Variants in PPP1R42 observed in about 807,000 individuals in gnomAD.
PPP1R42 encodes the protein leucine rich repeat containing 67.
A neutral mutation model predicts 31.0 loss-of-function variants in PPP1R42; 34 were observed. That is an observed-to-expected ratio of 1.10 (90% CI 0.83 to 1.46). The LOEUF (loss-of-function observed/expected upper bound fraction) is 1.46, where lower values mean the gene tolerates loss of function less well. Ranked by LOEUF, PPP1R42 falls within the 40% of genes most tolerant of loss-of-function variation. The pLI, the probability that PPP1R42 is intolerant of heterozygous loss-of-function variation, is 0.00. For missense variants in PPP1R42, 268 were observed against 303.0 expected (o/e 0.88, Z 0.86); for synonymous variants, 103 against 109.8 (o/e 0.94, Z 0.39).
intron 5 of PPP1R42, among the ~76,000 whole-genome samples, chr8:66,999,901 T>C (rs1815434609): frequency 6.6e-6 from 1 of 152,220 alleles, no homozygotes; most frequent in Non-Finnish European, 1.5e-5. Context: ...CATAAAGTTC[T>C]TTACAACATT....
chr8:66,968,844 C>T (rs1814458422), intron 7 of PPP1R42, among the ~76,000 whole-genome samples: 1 of 151,952 alleles, frequency 6.6e-6, no homozygotes, highest in Admixed American at 6.6e-5. Context: ...GAAAGTATTG[C>T]CTGAGGAAAT....
rs1172519262 is a variant in PPP1R42, at chr8:67,010,461, G to C, written c.552+254C>G. ...TTTGATGGGAAAATAATGCAAAGAAGAGATACTTCCCTTCTCAGAGAAACT... is the reference window on the plus strand; with the variant it reads ...TTTGATGGGAAAATAATGCAAAGAACAGATACTTCCCTTCTCAGAGAAACT... On this transcript the variant is annotated intron_variant, in intron 5 of 7. Transcript: ENST00000685739. Among the ~76,000 whole-genome samples the C allele has an allele frequency of 2.0e-5, 3 of 152,266 alleles. No homozygotes were observed. The East Asian group carries it at 5.8e-4, about 29-fold the overall frequency.
intron 7 of PPP1R42, among the ~76,000 whole-genome samples, chr8:66,965,689 G>A (rs1396012279): frequency 6.6e-6 from 1 of 152,152 alleles, no homozygotes; most frequent in African/African-American, 2.4e-5. Flanking sequence ...GGGAGGCTGA[G>A]GCAGGAGGAT....
chr8:67,000,796 A>G (rs913066873), intron 5 of PPP1R42, among the ~76,000 whole-genome samples: 17 of 152,222 alleles, frequency 1.1e-4, no homozygotes, highest in Non-Finnish European at 2.5e-4. Context: ...AGAATGTTCT[A>G]TAAGAGTAAA....
intron 1 of PPP1R42, among the ~76,000 whole-genome samples, chr8:67,018,996 ATT>A (rs1418336836): frequency 7.0e-6 from 1 of 142,192 alleles, no homozygotes; most frequent in Non-Finnish European, 1.5e-5. Flanking sequence ...TGCCCGGCTA[ATT>A]TTTTTTTTTT....
intron 1 of PPP1R42, among the ~76,000 whole-genome samples, chr8:67,025,582 T>C (rs1816369820): frequency 6.6e-6 from 1 of 151,826 alleles, no homozygotes; most frequent in Non-Finnish European, 1.5e-5. Context: ...AGAATTAAAT[T>C]GACATACAGC....
chr8:66,999,484 G>C (rs1445291435), intron 5 of PPP1R42, among the ~76,000 whole-genome samples: 6 of 152,186 alleles, frequency 3.9e-5, no homozygotes, highest in Admixed American at 6.5e-5. Context: ...GCCTCCCAAA[G>C]TGTTGGGATT....
chr8:66,980,899 A>T (rs182609196), intron 7 of PPP1R42, among the ~76,000 whole-genome samples: 1 of 151,704 alleles, frequency 6.6e-6, no homozygotes, highest in Non-Finnish European at 1.5e-5. Flanking sequence ...CTGGAGTGCA[A>T]TGGCGCAATC....
chr8:66,997,753 T>C lies in PPP1R42; in HGVS notation c.553-9236A>G, dbSNP rs187659950. 7.8e-4 allele frequency among the ~76,000 whole-genome samples: 118 copies of C among 152,032 alleles called. 1 individual carries two copies. The highest frequency in any genetic ancestry group is 2.7e-3 in the African/African-American group (111 of 41,488). ...ACCTTTTAGAGGAGGGGTCTTGCTA[T>C]ATTGCCCAGGCTGGTCTCAAACTCC... is the stretch of plus-strand genomic sequence containing the variant. On this transcript the variant is annotated intron_variant, in intron 5 of 7. Transcript: ENST00000685739.
intron 7 of PPP1R42, among the ~76,000 whole-genome samples, chr8:66,972,448 G>A (rs2130913689): frequency 6.6e-6 from 1 of 152,138 alleles, no homozygotes; most frequent in East Asian, 1.9e-4. Context: ...GGAATGCAGT[G>A]GCACAATCTC....
At chr8:66,987,817 G>A (rs1466078287) in intron 6 of PPP1R42, among the ~76,000 whole-genome samples, 1 of 152,106 alleles carries the variant, frequency 6.6e-6, no homozygotes, top group East Asian at 1.9e-4. Flanking sequence ...CATAGCCTTC[G>A]TGAGAGGTCA....
chr8:67,020,822 G>A (rs1364447726), intron 1 of PPP1R42, among the ~76,000 whole-genome samples: 1 of 152,186 alleles, frequency 6.6e-6, no homozygotes, highest in African/African-American at 2.4e-5. Flanking sequence ...GCGGTGGTGC[G>A]TGTTTGTAGT....
rs1816069844 is a variant in PPP1R42 at position 67,018,065 on chromosome 8, T to A, written c.-84-234A>T. Reference sequence around the variant, plus strand: ...TTACTCATTCACTTTTACTTTTAAATCTTTTTTTCTTCCTGAGTAGTATTT... The same window carrying A: ...TTACTCATTCACTTTTACTTTTAAAACTTTTTTTCTTCCTGAGTAGTATTT... On this transcript the variant is annotated intron_variant, in intron 1 of 7. Coordinates refer to ENST00000685739, the MANE Select transcript of PPP1R42 (RefSeq NM_001364910.1). Among the ~76,000 whole-genome samples, 5 of 152,226 alleles carry A rather than the reference T, an allele frequency of 3.3e-5. No individual in the cohort carries two copies. In the South Asian group the frequency reaches 1.0e-3, roughly 32 times the overall value.
At chr8:67,021,943 T>C (rs1363309373) in intron 1 of PPP1R42, among the ~76,000 whole-genome samples, 3 of 151,954 alleles carry the variant, frequency 2.0e-5, no homozygotes, top group Non-Finnish European at 4.4e-5. Context: ...TTCCTAATGA[T>C]TGATCTTTGA....
At position 67,014,587 on chromosome 8, in the gene PPP1R42, G is replaced by T. The variant is rs752121445; in HGVS notation, c.135C>A (p.Asp45Glu). The T allele has an allele frequency of 2.0e-6, 3 of 1,524,514 alleles. No individual in the cohort carries two copies. Among genetic ancestry groups the T allele is most frequent in the African/African-American group, 1.4e-5 (1 of 71,066 alleles). 94.4% of individuals were successfully genotyped at this position (1,524,514 alleles called of 1,614,324 possible). The change falls in exon 3 of 8, where the codon GAC becomes GAA. Residue 45 changes from aspartate (D) to glutamate (E), a missense_variant. Asp to Glu is a conservative substitution (Grantham distance 45, BLOSUM62 2). Coordinates refer to ENST00000685739, the MANE Select transcript of PPP1R42 (RefSeq NM_001364910.1). ...CACTAAGATTTTTGCAAAGAGAGAG[G>T]TCTTCCTAAAAGGGAAACAAAAACA... ...FSDKNIDAIE[D>E]LSLCKNLSVL... is the part of the protein sequence containing the mutation.
In PPP1R42 at chr8:67,014,421, CT is replaced by C; in HGVS notation, c.296+4del. 6.8e-7 allele frequency: 1 copy of C among 1,461,998 alleles called. No individual in the cohort carries two copies. The highest frequency in any genetic ancestry group is 9.1e-7 in the Non-Finnish European group (1 of 1,093,860). 90.6% of individuals were successfully genotyped at this position (1,461,998 alleles called of 1,614,324 possible). A position where few individuals can be genotyped will look rare whatever the true frequency, so the allele number is the denominator to read the frequency against. On this transcript the variant is annotated splice_donor_region_variant and intron_variant, in intron 3 of 7. Coordinates refer to ENST00000685739, the MANE Select transcript of PPP1R42 (RefSeq NM_001364910.1). ...GATACATTATTAAAAAATAAAAGCA[CT>C]TACAGTTTTTCCAGTTTCTTTAATG...
intron 6 of PPP1R42, among the ~76,000 whole-genome samples, chr8:66,982,676 TG>T (rs1231343085): frequency 6.6e-6 from 1 of 152,212 alleles, no homozygotes; most frequent in Non-Finnish European, 1.5e-5. Flanking sequence ...CAGGCTGGCC[TG>T]GAACTCCTGA....
At position 66,988,471 on chromosome 8, in the gene PPP1R42, T is replaced by C; in HGVS notation, c.599A>G (p.Asp200Gly). The change falls in exon 6 of 8, where the codon GAT (aspartate) becomes GGT (glycine). Residue 200 changes from aspartate to glycine, a missense_variant. By Grantham distance (94) the Asp-to-Gly change is moderately conservative. Transcript: ENST00000685739. Reference sequence around the variant, plus strand: ...GAGACAAACAGGATTTCCATTTAGATCAATTTTCCACAGCTTCATCAACTT... The same window carrying C: ...GAGACAAACAGGATTTCCATTTAGACCAATTTTCCACAGCTTCATCAACTT... The part of the protein sequence containing the change: ...LNKLMKLWKI[D>G]LNGNPVCLKP... 6.2e-7 allele frequency: 1 copy of C among 1,611,518 alleles called. No individual in the cohort carries two copies. Among genetic ancestry groups the C allele is most frequent in the South Asian group, 1.1e-5 (1 of 90,652 alleles).
At chr8:67,013,526 CTAAATAAATAAA>C (rs57947189) in intron 3 of PPP1R42, among the ~76,000 whole-genome samples, 2,938 of 146,206 alleles carry the variant, frequency 0.02, 88 homozygotes, top group African/African-American at 0.071. Context: ...GATCCCATCT[CTAAATAAATAAA>C]TAAATAAATA....
Sources: gnomAD v4.1 joint callset for allele counts (sites outside exome capture counted in the v4.1 genomes callset) on GRCh38, gnomAD v4.1.1 for gene constraint, MANE v1.5 for transcripts, NCBI Gene and HGNC (gene_info 2026-07-23, HGNC 2026-07-21) for gene names.